The following CCDC27 variants were observed in gnomAD, a reference collection of about 807,000 sequenced individuals.
CCDC27 encodes the protein coiled-coil domain containing 27.
CCDC27 carries 80 observed loss-of-function variants against 80.3 expected under a neutral mutation model. That is an observed-to-expected ratio of 1.00 (90% CI 0.83 to 1.20). CCDC27 has a LOEUF of 1.20. CCDC27 is among the 50% of genes most tolerant of loss of function. The pLI, the probability that CCDC27 is intolerant of heterozygous loss-of-function variation, is 0.00. For missense variants in CCDC27, 815 were observed against 809.4 expected (o/e 1.01, Z -0.08); for synonymous variants, 342 against 334.3 (o/e 1.02, Z -0.25).
In CCDC27 at chr1:3,766,598, C is replaced by T; in HGVS notation, c.1516C>T (p.Gln506Ter). 2 of 1,613,614 alleles carry T rather than the reference C, an allele frequency of 1.2e-6. No individual in the cohort carries two copies. Among genetic ancestry groups the T allele is most frequent in the Non-Finnish European group, 1.7e-6 (2 of 1,179,760 alleles). The change falls in exon 9 of 12, where the codon CAG becomes TAG. Residue 506 changes from glutamine (Q) to a stop codon, truncating the protein, a stop_gained. Coordinates refer to ENST00000294600, the MANE Select transcript of CCDC27 (RefSeq NM_152492.3). LOFTEE classifies it high-confidence loss of function. The surrounding 1 kb of genome is among the most constrained non-coding windows in gnomAD (Gnocchi z 6.1). ...GATGGGGCTCATTGAAAAGGACAACCAGCTCCTCCGACAGGTGACAGCCTG... is the reference window on the plus strand; with the variant it reads ...GATGGGGCTCATTGAAAAGGACAACTAGCTCCTCCGACAGGTGACAGCCTG... The part of the protein sequence containing the change: ...EMMGLIEKDN[Q>*]LLRQQVSELE...
rs141725715 is a variant in CCDC27, at chr1:3,752,713, G to T, written c.232G>T (p.Ala78Ser). The T allele has an allele frequency of 1.9e-6, 3 of 1,613,764 alleles. No homozygotes were observed. Among genetic ancestry groups the T allele is most frequent in the African/African-American group, 1.3e-5 (1 of 74,934 alleles). ...VLLQSMASRD[A>S]RCPEWKPHQK... ...CCTCCAGAGCATGGCCAGCCGGGAC[G>T]CCCGGTGCCCAGAATGGAAACCGCA... Residue 78 changes from alanine to serine, a missense_variant, in exon 1 of 12, where the codon GCC (alanine) becomes TCC (serine). Physicochemically the swap from Ala to Ser is moderately conservative, Grantham distance 99 (BLOSUM62 1). Coordinates refer to ENST00000294600, the MANE Select transcript of CCDC27 (RefSeq NM_152492.3).
At position 3,769,449 on chromosome 1, in the gene CCDC27, G is replaced by A. The variant is rs958027280; in HGVS notation, c.1744-334G>A. Reference sequence around the variant, plus strand: ...GGAGGATGGTCCAGGGGTTACGTGCGGCTTCTGTACTATTTTGGTTTGTTG... The same window carrying A: ...GGAGGATGGTCCAGGGGTTACGTGCAGCTTCTGTACTATTTTGGTTTGTTG... On this transcript the variant is annotated intron_variant, in intron 10 of 11. Transcript: ENST00000294600. This position sits in a 1 kb window ranked among gnomAD's most constrained non-coding sequence, Gnocchi z 4.6. Among the ~76,000 whole-genome samples the A allele has an allele frequency of 7.9e-5, 12 of 152,148 alleles. No homozygotes were observed. The highest frequency in any genetic ancestry group is 2.6e-4 in the Admixed American group (4 of 15,278).
At chr1:3,762,333 C>T (rs1481716230) in intron 5 of CCDC27, among the ~76,000 whole-genome samples, 2 of 152,150 alleles carry the variant, frequency 1.3e-5, no homozygotes, top group Non-Finnish European at 2.9e-5. Flanking sequence ...ATGACATGCA[C>T]AGTGGGCGTG....
chr1:3,765,869 C>G (rs1643215105), intron 8 of CCDC27, among the ~76,000 whole-genome samples: 1 of 127,050 alleles, frequency 7.9e-6, no homozygotes, highest in Non-Finnish European at 1.7e-5. Flanking sequence ...TTTCTTTTCT[C>G]CTTTTTTTTT....
Position 3,769,936 on chromosome 1 carries a change from C to A in CCDC27, c.1848+49C>A. The stretch of plus-strand genomic sequence containing the variant: ...TCTATCCGGGCCCCAGACCCCCAGG[C>A]CAGAGCTGTGGTAGGGGGTTGTGGG... On this transcript the variant is annotated intron_variant, in intron 11 of 11. Transcript: ENST00000294600. This position sits in a 1 kb window ranked among gnomAD's most constrained non-coding sequence, Gnocchi z 4.6. 1 of 1,373,758 alleles carries A rather than the reference C, an allele frequency of 7.3e-7. No individual in the cohort carries two copies. Among genetic ancestry groups the A allele is most frequent in the Non-Finnish European group, 1.0e-6 (1 of 961,012 alleles). 85.1% of individuals were successfully genotyped at this position (1,373,758 alleles called of 1,614,324 possible).
intron 10 of CCDC27, among the ~76,000 whole-genome samples, 179 bp downstream of exon 10, chr1:3,767,624 C>G (rs553503377): frequency 3.3e-5 from 5 of 152,308 alleles, no homozygotes; most frequent in African/African-American, 1.2e-4. Flanking sequence ...GGGTAGAGGA[C>G]GGAGTGAGAG....
At chr1:3,757,197 TAAA>T (rs921896928) in intron 4 of CCDC27, 3 of 196,762 alleles carry the variant, frequency 1.5e-5, no homozygotes, top group Non-Finnish European at 3.1e-5. Context: ...TTCTAAATAA[TAAA>T]AATCATAACA....
At position 3,760,854 on chromosome 1, in the gene CCDC27, AC is replaced by A. The variant is rs1557624328; in HGVS notation, c.712-426del. ...AATTGAGGGAGTTGAGATTCTGAGA[AC>A]AAAAGTTTGAGGAGCTCCCCGACAG... On this transcript the variant is annotated intron_variant, in intron 4 of 11. Transcript: ENST00000294600. This position sits in a 1 kb window ranked among gnomAD's most constrained non-coding sequence, Gnocchi z 4.3. Among the ~76,000 whole-genome samples the A allele has an allele frequency of 6.6e-6, 1 of 152,198 alleles. No homozygotes were observed. The highest frequency in any genetic ancestry group is 1.9e-4 in the East Asian group (1 of 5,192).
At position 3,763,338 on chromosome 1, in the gene CCDC27, C is replaced by G; in HGVS notation, c.1185C>G (p.Ile395Met). 6.2e-7 allele frequency: 1 copy of G among 1,612,938 alleles called. No homozygotes were observed. Among genetic ancestry groups the G allele is most frequent in the South Asian group, 1.1e-5 (1 of 90,984 alleles). The part of the protein sequence containing the change: ...EERELPEEEE[I>M]PRRRASSLAE... Reference sequence around the variant, plus strand: ...GGGAGCTGCCGGAGGAAGAGGAGATCCCCAGGAGAAGGGCCTCCTCCCTGG... The same window carrying G: ...GGGAGCTGCCGGAGGAAGAGGAGATGCCCAGGAGAAGGGCCTCCTCCCTGG... Residue 395 changes from isoleucine to methionine, a missense_variant, in exon 7 of 12, where the codon ATC becomes ATG. Transcript: ENST00000294600. This position sits in a 1 kb window ranked among gnomAD's most constrained non-coding sequence, Gnocchi z 7.5.
rs763689468 is a variant in CCDC27 at position 3,771,405 on chromosome 1, TTA to T, written c.1855_1856del (p.Ile619LeufsTer8). The T allele has an allele frequency of 4.3e-6, 7 of 1,613,944 alleles. No homozygotes were observed. The Admixed American group carries it at 1.2e-4, about 27-fold the overall frequency. ...ACGGCTGTGTTTCTTGTGTAGAGAATTATCTCAGAGAGAAGCGACTACTATAA... is the reference window on the plus strand; with the variant it reads ...ACGGCTGTGTTTCTTGTGTAGAGAATTCTCAGAGAGAAGCGACTACTATAA... On this transcript the variant is annotated frameshift_variant, in exon 12 of 12. Coordinates refer to ENST00000294600, the MANE Select transcript of CCDC27 (RefSeq NM_152492.3). LOFTEE classifies it low-confidence loss of function (END_TRUNC).
rs1262951411 is a variant in CCDC27 at position 3,761,943 on chromosome 1, G to A, written c.861+513G>A. On this transcript the variant is annotated intron_variant, in intron 5 of 11. Transcript: ENST00000294600. The surrounding 1 kb of genome is among the most constrained non-coding windows in gnomAD (Gnocchi z 5.0). ...AATCCCTTCTCCCCACTCTCTGGCT[G>A]TGAAGCCCCCTGCGAGGTTGGGCAT... Among the ~76,000 whole-genome samples the A allele has an allele frequency of 6.7e-6, 1 of 149,894 alleles. No homozygotes were observed. Among genetic ancestry groups the A allele is most frequent in the Non-Finnish European group, 1.5e-5 (1 of 67,398 alleles).
At position 3,763,539 on chromosome 1, in the gene CCDC27, C is replaced by A; in HGVS notation, c.1321+65C>A. 4.5e-6 allele frequency: 7 copies of A among 1,546,636 alleles called. No individual in the cohort carries two copies. Among genetic ancestry groups the A allele is most frequent in the Non-Finnish European group, 5.2e-6 (6 of 1,145,826 alleles). ...GTGGTTCCCGGCCCAGGAGCTGGGA[C>A]GCCCAGACGCTGCCTGCTCTGGTCA... On this transcript the variant is annotated intron_variant, in intron 7 of 11. Coordinates refer to ENST00000294600, the MANE Select transcript of CCDC27 (RefSeq NM_152492.3). The surrounding 1 kb of genome is among the most constrained non-coding windows in gnomAD (Gnocchi z 7.5).
At position 3,769,542 on chromosome 1, in the gene CCDC27, G is replaced by T. The variant is rs930948220; in HGVS notation, c.1744-241G>T. Among the ~76,000 whole-genome samples, 1 of 152,084 alleles carries T rather than the reference G, an allele frequency of 6.6e-6. No individual in the cohort carries two copies. Among genetic ancestry groups the T allele is most frequent in the Non-Finnish European group, 1.5e-5 (1 of 68,020 alleles). On this transcript the variant is annotated intron_variant, in intron 10 of 11. Coordinates refer to ENST00000294600, the MANE Select transcript of CCDC27 (RefSeq NM_152492.3). The surrounding 1 kb of genome is among the most constrained non-coding windows in gnomAD (Gnocchi z 4.6). ...AATTAGAAAAGCCCACCTGGTGTAG[G>T]AGAGTCTTTGGGCTTTGGGGCTGGG...
Position 3,763,647 on chromosome 1 carries a change from C to G in CCDC27, c.1322-59C>G. The G allele has an allele frequency of 6.2e-7, 1 of 1,607,060 alleles. No homozygotes were observed. The highest frequency in any genetic ancestry group is 1.1e-5 in the South Asian group (1 of 90,488). ...AGCTGCCGCAGTGGCCCGGCCCTCT[C>G]CTTCTGTCCCTCACTGCCCCTGCTT... On this transcript the variant is annotated intron_variant, in intron 7 of 11. Coordinates refer to ENST00000294600, the MANE Select transcript of CCDC27 (RefSeq NM_152492.3). This position sits in a 1 kb window ranked among gnomAD's most constrained non-coding sequence, Gnocchi z 7.5.
At chr1:3,755,647 G>A in intron 3 of CCDC27, 80 bp downstream of exon 3, 2 of 1,199,578 alleles carry the variant, frequency 1.7e-6, no homozygotes, top group Non-Finnish European at 2.5e-6. Flanking sequence ...GTCGCTGCTT[G>A]TGCCCTGCGG....
At chr1:3,764,165 C>T (rs1181877) in intron 8 of CCDC27, among the ~76,000 whole-genome samples, 63,857 of 152,078 alleles carry the variant, frequency 0.42, 15,939 homozygotes, top group African/African-American at 0.7. Context: ...GTAAGAACGC[C>T]CTATCCGTGC....
intron 5 of CCDC27, 112 bp from the exon 6 acceptor site, chr1:3,762,508 G>T (rs1435275078): frequency 3.7e-6 from 3 of 804,794 alleles, no homozygotes; most frequent in East Asian, 2.8e-5. Flanking sequence ...GAGGATGCAG[G>T]TCCCCTCCCC....
At chr1:3,770,026 A>G (rs1643323144) in intron 11 of CCDC27, 139 bp downstream of exon 11, 1 of 663,816 alleles carries the variant, frequency 1.5e-6, no homozygotes, top group Admixed American at 2.4e-5. Context: ...GGACCCCAGG[A>G]CCCTCCTTTC....
Position 3,766,917 on chromosome 1 carries a change from T to C in CCDC27, c.1530+305T>C, listed in dbSNP as rs1643240017. On this transcript the variant is annotated intron_variant, in intron 9 of 11. Transcript: ENST00000294600. The surrounding 1 kb of genome is among the most constrained non-coding windows in gnomAD (Gnocchi z 6.1). Reference sequence around the variant, plus strand: ...GTGCAGTGGTGTGATCTCAGCTCACTGCAACCTCCGCCTCCTGGGTTCAAG... The same window carrying C: ...GTGCAGTGGTGTGATCTCAGCTCACCGCAACCTCCGCCTCCTGGGTTCAAG... Among the ~76,000 whole-genome samples the C allele has an allele frequency of 6.9e-6, 1 of 144,136 alleles. No individual in the cohort carries two copies. The allele number at this position is 144,136 out of a possible 152,430, so 94.6% of individuals were successfully genotyped here. A position where few individuals can be genotyped will look rare whatever the true frequency, so the allele number is the denominator to read the frequency against.
Sources: allele counts gnomAD v4.1 joint callset (sites outside exome capture counted in the v4.1 genomes callset), GRCh38; gene constraint gnomAD v4.1.1; non-coding constraint Gnocchi (gnomAD v3.1); transcripts MANE v1.5; gene names NCBI Gene and HGNC (gene_info 2026-07-23, HGNC 2026-07-21).